The following ADGRD1 variants were observed in gnomAD, a reference collection of about 807,000 sequenced individuals.
ADGRD1 encodes adhesion G protein-coupled receptor D1.
Under a neutral mutation model 113.4 loss-of-function variants are expected in ADGRD1, and 77 were observed. That is an observed-to-expected ratio of 0.68 (90% CI 0.57 to 0.82). ADGRD1 has a LOEUF of 0.82. Ranked by LOEUF, ADGRD1 falls within the 40% of genes least tolerant of loss-of-function variation. ADGRD1 has a pLI of 0.00. For missense variants in ADGRD1, 1,036 were observed against 1,139.1 expected, an observed-to-expected ratio of 0.91 and a Z score of 1.30; for synonymous variants, 474 against 475.0, an observed-to-expected ratio of 1.00 and a Z score of 0.03.
In ADGRD1 at chr12:131,098,172, A is replaced by ACCGCCTTCTCCCACG. The variant is rs1391426237; in HGVS notation, c.1672-6659_1672-6658insCCGCCTTCTCCCACG. ...TCTGGGCCTCACTTCCTTCTCCCGC[A>ACCGCCTTCTCCCACG]GTGGCTGCTGTCTGGGCTGCCTCAC... is the stretch of plus-strand genomic sequence containing the variant. On this transcript the variant is annotated intron_variant, in intron 15 of 24. Coordinates refer to ENST00000261654, the MANE Select transcript of ADGRD1 (RefSeq NM_198827.5). Among the ~76,000 whole-genome samples the ACCGCCTTCTCCCACG allele has an allele frequency of 9.4e-4, 113 of 120,252 alleles. 2 individuals carry two copies. Among genetic ancestry groups the ACCGCCTTCTCCCACG allele is most frequent in the Middle Eastern group, 4.0e-3 (1 of 252 alleles). The allele number at this position is 120,252 out of a possible 152,430, so 78.9% of individuals were successfully genotyped here. A position where few individuals can be genotyped will look rare whatever the true frequency, so the allele number is the denominator to read the frequency against.
chr12:131,107,780 A>G (rs1243092343), intron 17 of ADGRD1, among the ~76,000 whole-genome samples: 2 of 152,252 alleles, frequency 1.3e-5, no homozygotes, highest in African/African-American at 4.8e-5. Flanking sequence ...GTATCTAGAT[A>G]TAACAGATCA....
At chr12:131,010,806 G>A (rs538770326) in intron 12 of ADGRD1, among the ~76,000 whole-genome samples, 4 of 152,272 alleles carry the variant, frequency 2.6e-5, no homozygotes, top group Admixed American at 2.0e-4. Flanking sequence ...ATGGGGGCAC[G>A]CTGCTTTCCC....
intron 8 of ADGRD1, among the ~76,000 whole-genome samples, chr12:130,997,383 CGG>C (rs1875688432): frequency 1.8e-5 from 2 of 112,952 alleles, no homozygotes; most frequent in African/African-American, 3.6e-5. Flanking sequence ...GGCTGCCGGG[CGG>C]AGGGGCTCCT....
rs1370227159 is a variant in ADGRD1, at chr12:131,022,103, C to T, written c.1473+7763C>T. On this transcript the variant is annotated intron_variant, in intron 13 of 24. Coordinates refer to ENST00000261654, the MANE Select transcript of ADGRD1 (RefSeq NM_198827.5). This position sits in a 1 kb window ranked among gnomAD's most constrained non-coding sequence, Gnocchi z 4.6. ...CCCCTTCAAAGACCCTGACTCCAAA[C>T]ACTGTCACATTCTGAGGTCTTGGGG... is the stretch of plus-strand genomic sequence containing the variant. Among the ~76,000 whole-genome samples, 1 of 152,172 alleles carries T rather than the reference C, an allele frequency of 6.6e-6. No homozygotes were observed. Among genetic ancestry groups the T allele is most frequent in the East Asian group, 1.9e-4 (1 of 5,188 alleles).
At position 130,979,074 on chromosome 12, in the gene ADGRD1, G is replaced by T. The variant is rs538607410; in HGVS notation, c.311-2810G>T. On this transcript the variant is annotated intron_variant, in intron 4 of 24. Coordinates refer to ENST00000261654, the MANE Select transcript of ADGRD1 (RefSeq NM_198827.5). ...AAGCCCGTTCATGAGGTGGGTGTGGGTGGTGCCAGCCAGGTCTGGGGACAC... is the reference window on the plus strand; with the variant it reads ...AAGCCCGTTCATGAGGTGGGTGTGGTTGGTGCCAGCCAGGTCTGGGGACAC... 2.6e-5 allele frequency among the ~76,000 whole-genome samples: 4 copies of T among 152,330 alleles called. No individual in the cohort carries two copies. In the East Asian group the frequency reaches 7.7e-4, roughly 29 times the overall value.
chr12:131,116,493 C>A (rs982299701), intron 18 of ADGRD1, among the ~76,000 whole-genome samples: 5 of 152,246 alleles, frequency 3.3e-5, no homozygotes, highest in Non-Finnish European at 5.9e-5. Flanking sequence ...AGGGCAGGCA[C>A]GGCGTGTACT....
At chr12:131,026,563 G>C (rs1485923822) in intron 13 of ADGRD1, 1 of 152,364 alleles carries the variant, frequency 6.6e-6, no homozygotes, top group South Asian at 2.1e-4. Context: ...TCCAGACTTT[G>C]GCCTTTTGAA....
At chr12:131,117,559 AG>A (rs765921618) in intron 18 of ADGRD1, among the ~76,000 whole-genome samples, 3 of 152,196 alleles carry the variant, frequency 2.0e-5, no homozygotes, top group Non-Finnish European at 2.9e-5. Flanking sequence ...GCAGTTTCGA[AG>A]AAAGCCCTTG....
chr12:130,992,403 T>G lies in ADGRD1; in HGVS notation c.966+11T>G. On this transcript the variant is annotated intron_variant, in intron 8 of 24. Transcript: ENST00000261654. ...TTGAATCTCACCAAGGTAAGGCTAT[T>G]TGATGTCTGTGTCTGGTGGACCGGG... is the stretch of plus-strand genomic sequence containing the variant. 1 of 1,609,120 alleles carries G rather than the reference T, an allele frequency of 6.2e-7. No individual in the cohort carries two copies. Among genetic ancestry groups the G allele is most frequent in the South Asian group, 1.1e-5 (1 of 90,098 alleles).
At chr12:131,077,735 T>C (rs944344638) in intron 14 of ADGRD1, among the ~76,000 whole-genome samples, 5 of 152,068 alleles carry the variant, frequency 3.3e-5, no homozygotes, top group African/African-American at 1.2e-4. Context: ...GGCTGGATAT[T>C]GTTTTTGTTT....
chr12:131,092,913 A>G (rs1369538222), intron 15 of ADGRD1, among the ~76,000 whole-genome samples: 2 of 150,492 alleles, frequency 1.3e-5, no homozygotes, highest in Non-Finnish European at 3.0e-5. Context: ...AAACAAGAAG[A>G]GGAAGATGTG....
In ADGRD1 at chr12:130,984,501, C is replaced by T; in HGVS notation, c.490+2438C>T. ...ATTTTTTAGAACAGTTTTAGATTCA[C>T]AGAAAAATTGAGTGCAAAGTTCAGA... On this transcript the variant is annotated intron_variant, in intron 5 of 24. Transcript: ENST00000261654. The surrounding 1 kb of genome is among the most constrained non-coding windows in gnomAD (Gnocchi z 4.1). Among the ~76,000 whole-genome samples, 1 of 152,144 alleles carries T rather than the reference C, an allele frequency of 6.6e-6. No homozygotes were observed. Among genetic ancestry groups the T allele is most frequent in the Admixed American group, 6.5e-5 (1 of 15,274 alleles).
At chr12:131,066,489 CGCAG>C (rs1884732711) in intron 13 of ADGRD1, among the ~76,000 whole-genome samples, 1 of 152,136 alleles carries the variant, frequency 6.6e-6, no homozygotes, top group Non-Finnish European at 1.5e-5. Flanking sequence ...CCCTCCCTAC[CGCAG>C]GCCACCTTGT....
In ADGRD1 at chr12:130,964,718, C is replaced by A. The variant is rs1364855888; in HGVS notation, c.104-1745C>A. ...AAATAAGTAAATAAAAAATAAAAGACCCTCTTTATCACAAACTGAATTTCC... is the reference window on the plus strand; with the variant it reads ...AAATAAGTAAATAAAAAATAAAAGAACCTCTTTATCACAAACTGAATTTCC... On this transcript the variant is annotated intron_variant, in intron 2 of 24. Transcript: ENST00000261654. 2.6e-5 allele frequency among the ~76,000 whole-genome samples: 4 copies of A among 152,078 alleles called. 1 individual carries two copies. The South Asian group carries it at 8.3e-4, about 32-fold the overall frequency.
intron 20 of ADGRD1, among the ~76,000 whole-genome samples, chr12:131,126,583 C>T (rs1247152545): frequency 6.6e-6 from 1 of 152,180 alleles, no homozygotes; most frequent in African/African-American, 2.4e-5. Context: ...TCTGGTGACC[C>T]TGAGCTAGGT....
chr12:131,070,648 G>A (rs1885083657), intron 13 of ADGRD1: 1 of 344,510 alleles, frequency 2.9e-6, no homozygotes, highest in Non-Finnish European at 6.0e-6. Flanking sequence ...AGGAGAGCCA[G>A]GTGCGCAGTG....
chr12:131,132,705 C>G (rs369966978), intron 21 of ADGRD1, among the ~76,000 whole-genome samples: 10 of 152,296 alleles, frequency 6.6e-5, no homozygotes, highest in African/African-American at 2.4e-4. Context: ...GACCTGTGCC[C>G]TCCCTGAGCC....
At chr12:130,987,045 G>C (rs569720533) in intron 5 of ADGRD1, 50 bp from the exon 6 acceptor site, 15 of 1,561,382 alleles carry the variant, frequency 9.6e-6, no homozygotes, top group South Asian at 6.7e-5. Flanking sequence ...CCTGTGCATG[G>C]GGAGCTCATT....
chr12:131,055,503 T>G (rs994853039), intron 13 of ADGRD1, among the ~76,000 whole-genome samples: 5 of 152,232 alleles, frequency 3.3e-5, no homozygotes, highest in Admixed American at 6.5e-5. Context: ...ATATCTTTGA[T>G]GTGTGTTCAT....
Sources: allele counts gnomAD v4.1 joint callset (sites outside exome capture counted in the v4.1 genomes callset), GRCh38; gene constraint gnomAD v4.1.1; non-coding constraint Gnocchi (gnomAD v3.1); transcripts MANE v1.5; gene names NCBI Gene and HGNC (gene_info 2026-07-23, HGNC 2026-07-21).